The following MYH13 variants were observed in gnomAD, a reference collection of about 807,000 sequenced individuals.
MYH13 encodes the protein myosin-13.
MYH13 carries 177 observed loss-of-function variants against 232.1 expected under a neutral mutation model. The ratio of observed to expected loss-of-function variants is 0.76; its 90% confidence interval spans 0.67 to 0.86. The LOEUF is 0.86. Ranked by LOEUF, MYH13 falls within the 40% of genes least tolerant of loss-of-function variation. The pLI, the probability that MYH13 is intolerant of heterozygous loss-of-function variation, is 0.00. For synonymous variants in MYH13, 884 were observed against 923.5 expected (o/e 0.96, Z 0.78); for missense variants, 2,246 against 2,405.9 (o/e 0.93, Z 1.39).
chr17:10,301,452 A>G, intron 40 of MYH13, 117 bp downstream of exon 40: 1 of 1,470,136 alleles, frequency 6.8e-7, no homozygotes, highest in Non-Finnish European at 9.3e-7. Context: ...CCTGGTCCCC[A>G]CATCTCAGGT....
At chr17:10,370,490 A>G (rs2071869721) in intron 2 of MYH13, among the ~76,000 whole-genome samples, 1 of 152,024 alleles carries the variant, frequency 6.6e-6, no homozygotes, top group African/African-American at 2.4e-5. Context: ...TGCCCCTTCA[A>G]CCACTCTGTT....
At chr17:10,323,923 G>A (rs1907099439) in intron 23 of MYH13, 99 bp downstream of exon 23, 1 of 1,481,650 alleles carries the variant, frequency 6.7e-7, no homozygotes, top group East Asian at 2.3e-5. Flanking sequence ...TCTGGGCAAT[G>A]TTATATTGAC....
At chr17:10,363,426 A>G (rs1316233671) in intron 3 of MYH13, among the ~76,000 whole-genome samples, 2 of 152,122 alleles carry the variant, frequency 1.3e-5, no homozygotes, top group Non-Finnish European at 2.9e-5. Flanking sequence ...AGGGTTTCAC[A>G]GAAAAGATAA....
rs765638189 is a variant in MYH13, at chr17:10,311,207, C to T, written c.4552G>A (p.Glu1518Lys). The T allele has an allele frequency of 9.3e-6, 15 of 1,613,904 alleles. No individual in the cohort carries two copies. Among genetic ancestry groups the T allele is most frequent in the Non-Finnish European group, 1.0e-5 (12 of 1,179,900 alleles). Residue 1518 changes from glutamate to lysine, a missense_variant, in exon 33 of 41, where the codon GAG becomes AAG. Transcript: ENST00000252172. ...TTCTTGCCAGTTTCTGCAATCTGCTCAGTTAAGTCGGAAATCTCTTCTGCA... is the reference window on the plus strand; with the variant it reads ...TTCTTGCCAGTTTCTGCAATCTGCTTAGTTAAGTCGGAAATCTCTTCTGCA... ...NLQEEISDLT[E>K]QIAETGKNLQ... is the part of the protein sequence containing the mutation.
chr17:10,327,194 G>A (rs865781672), intron 22 of MYH13, among the ~76,000 whole-genome samples: 2 of 147,204 alleles, frequency 1.4e-5, no homozygotes, highest in Non-Finnish European at 3.0e-5. Context: ...GTAGAGACGG[G>A]GTTTCACCGT....
chr17:10,371,955 A>T (rs2142155533), intron 1 of MYH13, among the ~76,000 whole-genome samples: 1 of 152,206 alleles, frequency 6.6e-6, no homozygotes, highest in South Asian at 2.1e-4. Context: ...GTGTCTGAAA[A>T]ATTTTCAATA....
At chr17:10,354,620 C>CGTGTT (rs2071734225) in intron 11 of MYH13, 60 bp downstream of exon 11, 2 of 1,472,102 alleles carry the variant, frequency 1.4e-6, no homozygotes. Flanking sequence ...ACTAACGTGT[C>CGTGTT]TCTCAGTTCA....
In MYH13 at chr17:10,303,261, G is replaced by A. The variant is rs772590454; in HGVS notation, c.5602C>T (p.Leu1868Phe). 1 of 1,613,796 alleles carries A rather than the reference G, an allele frequency of 6.2e-7. No individual in the cohort carries two copies. Among genetic ancestry groups the A allele is most frequent in the Non-Finnish European group, 8.5e-7 (1 of 1,179,830 alleles). Residue 1868 changes from leucine (L) to phenylalanine (F), a missense_variant, in exon 39 of 41, where the codon CTC (leucine) becomes TTC (phenylalanine). Leu to Phe is a conservative substitution (Grantham distance 22). Coordinates refer to ENST00000252172, the MANE Select transcript of MYH13 (RefSeq NM_003802.3). The stretch of plus-strand genomic sequence containing the variant: ...TGCAGCTTGTCCACCAGGTCCTGGA[G>A]CCTAAGGATATTCTTGTGGTCCTCC... Reference protein sequence around the residue: ...AEEDHKNILRLQDLVDKLQAK... With the variant: ...AEEDHKNILRFQDLVDKLQAK...
rs56757162 is a variant in MYH13 at position 10,324,756 on chromosome 17, G to GTTTTTTTTTTTTTT, written c.2692-506_2692-493dup. ...GTCACTGCACCTGGTCCATATACAT[G>GTTTTTTTTTTTTTT]TTTTTTTTTTTTTTTTTTTTTTTTA... is the stretch of plus-strand genomic sequence containing the variant. On this transcript the variant is annotated intron_variant, in intron 22 of 40. Transcript: ENST00000252172. The GTTTTTTTTTTTTTT allele has an allele frequency of 8.2e-4, 88 of 107,752 alleles. 6 individuals carry two copies. Among genetic ancestry groups the GTTTTTTTTTTTTTT allele is most frequent in the African/African-American group, 3.4e-3 (84 of 24,392 alleles). The allele number at this position is 107,752 out of a possible 1,614,324, so 6.7% of individuals were successfully genotyped here.
At chr17:10,326,695 C>A (rs1015681414) in intron 22 of MYH13, among the ~76,000 whole-genome samples, 1 of 151,360 alleles carries the variant, frequency 6.6e-6, no homozygotes. Context: ...GCCAAGATGG[C>A]CTTAATCTCC....
At chr17:10,370,431 C>T (rs886924809) in intron 2 of MYH13, among the ~76,000 whole-genome samples, 9 of 152,206 alleles carry the variant, frequency 5.9e-5, no homozygotes, top group African/African-American at 2.2e-4. Context: ...CCTTAATTAG[C>T]CTCTTCTCTG....
rs772189399 is a variant in MYH13, at chr17:10,354,980, T to C, written c.816A>G (p.Lys272=). 18 of 1,610,444 alleles carry C rather than the reference T, an allele frequency of 1.1e-5. No homozygotes were observed. Among genetic ancestry groups the C allele is most frequent in the Non-Finnish European group, 1.5e-5 (18 of 1,176,744 alleles). The change falls in exon 10 of 41, where the codon AAA becomes AAG. Residue 272 remains lysine, a synonymous_variant. Transcript: ENST00000252172. ...TGGATAATTGAAACGTCACTCTGGA[T>C]TTTTCTAACAGATCTAAGGTAACAA... ...SADIETYLLE[K]SRVTFQLSSE...
chr17:10,327,315 A>G (rs192460030), intron 22 of MYH13, among the ~76,000 whole-genome samples: 1 of 147,842 alleles, frequency 6.8e-6, no homozygotes, highest in South Asian at 2.2e-4. Flanking sequence ...GCTAGTTTTT[A>G]AAAATTTTTT....
At chr17:10,335,598 T>C (rs943511698) in intron 18 of MYH13, among the ~76,000 whole-genome samples, 5 of 151,920 alleles carry the variant, frequency 3.3e-5, no homozygotes, top group African/African-American at 1.2e-4. Context: ...ACTAAAAATA[T>C]GAAAACGTAG....
At chr17:10,316,375 C>G (rs541519516) in intron 27 of MYH13, among the ~76,000 whole-genome samples, 2 of 151,940 alleles carry the variant, frequency 1.3e-5, no homozygotes, top group Non-Finnish European at 2.9e-5. Flanking sequence ...GCAGGAGAAT[C>G]GCTTGAACTC....
intron 35 of MYH13, 93 bp downstream of exon 35, chr17:10,309,141 C>G: frequency 1.5e-6 from 2 of 1,334,570 alleles, no homozygotes; most frequent in South Asian, 2.9e-5. Context: ...GGCGTGGGCC[C>G]TGAGTGGAGG....
intron 35 of MYH13, among the ~76,000 whole-genome samples, chr17:10,308,763 C>T (rs757526368): frequency 2.6e-5 from 4 of 151,618 alleles, no homozygotes; most frequent in Admixed American, 6.6e-5. Context: ...CCTCTGTTGC[C>T]CAGGCTGGAG....
rs546530554 is a variant in MYH13, at chr17:10,359,574, C to T, written c.645+386G>A. ...TAATTACCAAACCTGAGACGGGGGT[C>T]GTGAGCTCCTCCCAATTAATAGCTG... On this transcript the variant is annotated intron_variant, in intron 7 of 40. Coordinates refer to ENST00000252172, the MANE Select transcript of MYH13 (RefSeq NM_003802.3). Among the ~76,000 whole-genome samples, 4 of 152,258 alleles carry T rather than the reference C, an allele frequency of 2.6e-5. 1 individual carries two copies. The highest frequency in any genetic ancestry group is 1.9e-4 in the East Asian group (1 of 5,180).
intron 22 of MYH13, 66 bp downstream of exon 22, chr17:10,327,800 A>AAT: frequency 6.4e-7 from 1 of 1,572,500 alleles, no homozygotes; most frequent in South Asian, 1.2e-5. Context: ...TGGCGCCCTC[A>AAT]ATGTTCCTCC....
Sources: allele counts gnomAD v4.1 joint callset (sites outside exome capture counted in the v4.1 genomes callset), GRCh38; gene constraint gnomAD v4.1.1; transcripts MANE v1.5; gene names NCBI Gene and HGNC (gene_info 2026-07-23, HGNC 2026-07-21).